The following SDK2 variants were observed in gnomAD, a reference collection of about 807,000 sequenced individuals.
The protein encoded by SDK2 is protein sidekick-2.
SDK2 carries 105 observed loss-of-function variants against 253.9 expected under a neutral mutation model. That is an observed-to-expected ratio of 0.41 (90% CI 0.35 to 0.49). The LOEUF is 0.49. SDK2 is among the 20% of genes least tolerant of loss of function. The pLI is 0.06. For synonymous variants in SDK2, 1,249 were observed against 1,234.9 expected (o/e 1.01, Z -0.24); for missense variants, 2,608 against 3,003.0 (o/e 0.87, Z 3.07).
At chr17:73,588,363 G>A (rs2045633742) in intron 1 of SDK2, among the ~76,000 whole-genome samples, 1 of 142,004 alleles carries the variant, frequency 7.0e-6, no homozygotes, top group African/African-American at 2.8e-5. Context: ...CACCAGCCTG[G>A]GCAACAAGGG....
chr17:73,424,198 G>A, intron 12 of SDK2, 106 bp from the exon 13 acceptor site: 6 of 929,408 alleles, frequency 6.5e-6, no homozygotes, highest in Non-Finnish European at 9.6e-6. Context: ...CTGGGCAGAG[G>A]ACAACTGCAG....
At chr17:73,598,762 G>A (rs1283580062) in intron 1 of SDK2, among the ~76,000 whole-genome samples, 2 of 152,154 alleles carry the variant, frequency 1.3e-5, no homozygotes, top group African/African-American at 2.4e-5. Context: ...CTCCAGCAGG[G>A]GAAGGTGGGA....
At chr17:73,399,389 T>G (rs2063002753) in intron 21 of SDK2, 100 bp from the exon 22 acceptor site, 10 of 1,291,108 alleles carry the variant, frequency 7.7e-6, no homozygotes, top group Middle Eastern at 1.9e-4. Context: ...GTCACGCTTT[T>G]CCTGGAAATG....
intron 3 of SDK2, among the ~76,000 whole-genome samples, chr17:73,461,946 T>G (rs2063565111): frequency 6.6e-6 from 1 of 152,164 alleles, no homozygotes; most frequent in Non-Finnish European, 1.5e-5. Flanking sequence ...TATGTATGTT[T>G]ACATGTATGC....
At chr17:73,394,152 T>C (rs1296048529) in intron 26 of SDK2, 57 bp downstream of exon 26, 1 of 1,074,470 alleles carries the variant, frequency 9.3e-7, no homozygotes, top group Non-Finnish European at 1.3e-6. Context: ...GCCCCTTGGA[T>C]GGAGAGGCTG....
At chr17:73,552,232 G>GT (rs1194427845) in intron 1 of SDK2, among the ~76,000 whole-genome samples, 3 of 152,238 alleles carry the variant, frequency 2.0e-5, no homozygotes, top group Admixed American at 1.3e-4. Context: ...GGCAGCAGCA[G>GT]AAACGCACTA....
Position 73,500,766 on chromosome 17 carries a change from C to T in SDK2, c.224+6672G>A, listed in dbSNP as rs560886891. ...TCTCCTCCATCCTCCATCCATCCTT[C>T]CTCTAGCCTCTGTCCATCCTCCCTC... On this transcript the variant is annotated intron_variant, in intron 2 of 44. Transcript: ENST00000392650. 9.2e-4 allele frequency among the ~76,000 whole-genome samples: 138 copies of T among 150,200 alleles called. 1 individual carries two copies. Among genetic ancestry groups the T allele is most frequent in the African/African-American group, 3.1e-3 (127 of 40,768 alleles).
At chr17:73,403,313 T>C (rs986163418) in intron 18 of SDK2, among the ~76,000 whole-genome samples, 4 of 152,184 alleles carry the variant, frequency 2.6e-5, no homozygotes, top group Non-Finnish European at 5.9e-5. Context: ...CCTTCTAAGT[T>C]GGGATTTCCA....
intron 1 of SDK2, among the ~76,000 whole-genome samples, chr17:73,535,603 C>G (rs2044759757): frequency 6.6e-6 from 1 of 152,192 alleles, no homozygotes; most frequent in African/African-American, 2.4e-5. Flanking sequence ...GATTGCCCAC[C>G]ATTGCCAATT....
chr17:73,581,749 C>T (rs559176370), intron 1 of SDK2, among the ~76,000 whole-genome samples: 3 of 152,346 alleles, frequency 2.0e-5, no homozygotes, highest in Non-Finnish European at 2.9e-5. Context: ...CTGCACCTGA[C>T]GCAGGGCCTA....
rs542777465 is a variant in SDK2, at chr17:73,483,159, C to T, written c.225-10941G>A. ...GTCTTCTCTGCTTGTTTTTGCTTCACAATCCAGAAAGAAATTCCTCTGGGG... is the reference window on the plus strand; with the variant it reads ...GTCTTCTCTGCTTGTTTTTGCTTCATAATCCAGAAAGAAATTCCTCTGGGG... On this transcript the variant is annotated intron_variant, in intron 2 of 44. Transcript: ENST00000392650. Among the ~76,000 whole-genome samples the T allele has an allele frequency of 2.6e-5, 4 of 152,044 alleles. No individual in the cohort carries two copies. The East Asian group carries it at 7.8e-4, about 30-fold the overall frequency.
chr17:73,602,907 T>G (rs1013085165), intron 1 of SDK2, among the ~76,000 whole-genome samples: 6 of 152,216 alleles, frequency 3.9e-5, no homozygotes, highest in Admixed American at 3.9e-4. Context: ...TGTATTTTAG[T>G]AAAGACAGGG....
At position 73,363,329 on chromosome 17, in the gene SDK2, C is replaced by T. The variant is rs868372798; in HGVS notation, c.5306-1484G>A. On this transcript the variant is annotated intron_variant, in intron 38 of 44. Coordinates refer to ENST00000392650, the MANE Select transcript of SDK2 (RefSeq NM_001144952.2). ...CAGGTGATCCACCGCCTCGGCCTCC[C>T]GAAGTGCTGGGATTGCAGGTGTGAG... Among the ~76,000 whole-genome samples the T allele has an allele frequency of 1.5e-4, 23 of 152,324 alleles. No individual in the cohort carries two copies. In the Middle Eastern group the frequency reaches 0.01, roughly 68 times the overall value.
intron 5 of SDK2, among the ~76,000 whole-genome samples, chr17:73,444,808 C>A (rs1208939083): frequency 6.6e-6 from 1 of 152,142 alleles, no homozygotes; most frequent in Non-Finnish European, 1.5e-5. Flanking sequence ...GTGAGCTGCT[C>A]CCCTCTCTTG....
intron 1 of SDK2, among the ~76,000 whole-genome samples, chr17:73,560,021 G>A (rs984467009): frequency 3.3e-5 from 5 of 152,152 alleles, no homozygotes; most frequent in Admixed American, 3.3e-4. Context: ...CACACCACGG[G>A]AAGCGGGTCT....
chr17:73,490,389 G>A (rs2063797550), intron 2 of SDK2, among the ~76,000 whole-genome samples: 3 of 152,206 alleles, frequency 2.0e-5, no homozygotes, highest in Non-Finnish European at 2.9e-5. Context: ...GACACAGGTG[G>A]AGAAGGAGGG....
chr17:73,457,384 C>T (rs2063536495), intron 3 of SDK2, among the ~76,000 whole-genome samples: 1 of 147,644 alleles, frequency 6.8e-6, no homozygotes, highest in Non-Finnish European at 1.5e-5. Flanking sequence ...CTCTGTAACC[C>T]AGGCTTCAAT....
intron 18 of SDK2, among the ~76,000 whole-genome samples, chr17:73,408,492 G>A (rs901484098): frequency 3.3e-5 from 5 of 152,012 alleles, no homozygotes; most frequent in African/African-American, 1.2e-4. Context: ...CCAAAGTGTT[G>A]GGATTACAGG....
chr17:73,433,250 G>GA (rs1349536352), intron 10 of SDK2, among the ~76,000 whole-genome samples: 1 of 152,024 alleles, frequency 6.6e-6, no homozygotes, highest in African/African-American at 2.4e-5. Flanking sequence ...TGAAGAGCTG[G>GA]ACCTTGAGCC....
Sources: gnomAD v4.1 joint callset for allele counts (sites outside exome capture counted in the v4.1 genomes callset) on GRCh38, gnomAD v4.1.1 for gene constraint, MANE v1.5 for transcripts, NCBI Gene and HGNC (gene_info 2026-07-23, HGNC 2026-07-21) for gene names.